The following PARD3 variants were observed in gnomAD, a reference collection of about 807,000 sequenced individuals.
PARD3 encodes the protein partitioning defective 3 homolog.
A neutral mutation model predicts 155.4 loss-of-function variants in PARD3; 75 were observed. That is an observed-to-expected ratio of 0.48 (90% confidence interval 0.40 to 0.58). The LOEUF (loss-of-function observed/expected upper bound fraction) is 0.58, where lower values mean the gene tolerates loss of function less well. Ranked by LOEUF, PARD3 falls within the 20% of genes least tolerant of loss-of-function variation. PARD3 has a pLI of 0.00. For synonymous variants in PARD3, 576 were observed against 610.5 expected, an observed-to-expected ratio of 0.94 and a Z score of 0.83; for missense variants, 1,642 against 1,721.7, an observed-to-expected ratio of 0.95 and a Z score of 0.82.
chr10:34,798,838 T>C (rs1414468066), intron 1 of PARD3, among the ~76,000 whole-genome samples: 2 of 151,404 alleles, frequency 1.3e-5, no homozygotes, highest in South Asian at 2.1e-4. Context: ...GCGAGCAGGG[T>C]TGCAAATCAC....
intron 20 of PARD3, among the ~76,000 whole-genome samples, chr10:34,288,431 A>G (rs1956507960): frequency 6.6e-6 from 1 of 152,188 alleles, no homozygotes; most frequent in African/African-American, 2.4e-5. Flanking sequence ...AATCAACTGT[A>G]AATAAAAAAT....
At chr10:34,139,427 T>C (rs1948067027) in intron 22 of PARD3, among the ~76,000 whole-genome samples, 1 of 152,216 alleles carries the variant, frequency 6.6e-6, no homozygotes, top group African/African-American at 2.4e-5. Flanking sequence ...TCCAAGAACA[T>C]TGTTTCATCT....
At chr10:34,756,100 AG>A (rs1277405258) in intron 1 of PARD3, among the ~76,000 whole-genome samples, 3 of 150,890 alleles carry the variant, frequency 2.0e-5, no homozygotes, top group African/African-American at 7.3e-5. Flanking sequence ...ACAGGTTGGC[AG>A]TACCCCTCAC....
At chr10:34,367,373 T>G (rs1840064309) in intron 12 of PARD3, among the ~76,000 whole-genome samples, 1 of 152,236 alleles carries the variant, frequency 6.6e-6, no homozygotes, top group Non-Finnish European at 1.5e-5. Flanking sequence ...ACAATCGATT[T>G]AATCATTTTC....
chr10:34,361,762 A>C (rs918823992), intron 12 of PARD3, among the ~76,000 whole-genome samples: 1 of 152,234 alleles, frequency 6.6e-6, no homozygotes, highest in African/African-American at 2.4e-5. Flanking sequence ...TCTTTGTGCT[A>C]TCTCAAAGGA....
chr10:34,284,410 G>A (rs1956293054), intron 20 of PARD3, among the ~76,000 whole-genome samples, 165 bp from the exon 21 acceptor site: 1 of 152,142 alleles, frequency 6.6e-6, no homozygotes, highest in Non-Finnish European at 1.5e-5. Flanking sequence ...TTTTGAATCA[G>A]ATTATTTTAT....
At chr10:34,337,992 T>C (rs371365039) in intron 16 of PARD3, among the ~76,000 whole-genome samples, 1 of 152,252 alleles carries the variant, frequency 6.6e-6, no homozygotes, top group Non-Finnish European at 1.5e-5. Context: ...AAACATTTAT[T>C]AGAACCTATT....
chr10:34,384,776 T>C (rs184353076), intron 7 of PARD3, among the ~76,000 whole-genome samples: 18 of 152,324 alleles, frequency 1.2e-4, no homozygotes, highest in African/African-American at 4.1e-4. Flanking sequence ...TGCTTTGCAT[T>C]TGAATTTGAT....
At chr10:34,755,819 T>C (rs1836639586) in intron 1 of PARD3, among the ~76,000 whole-genome samples, 1 of 152,066 alleles carries the variant, frequency 6.6e-6, no homozygotes, top group African/African-American at 2.4e-5. Flanking sequence ...ATTACAAAAC[T>C]AAAATGATAA....
chr10:34,261,769 GAAGA>G (rs1954997717), intron 22 of PARD3, among the ~76,000 whole-genome samples: 2 of 67,660 alleles, frequency 3.0e-5, no homozygotes, highest in South Asian at 1.1e-3. Context: ...AGGAAGGAAG[GAAGA>G]AAGAAAGAAA....
intron 1 of PARD3, among the ~76,000 whole-genome samples, chr10:34,751,095 G>A (rs890335562): frequency 1.2e-4 from 18 of 152,188 alleles, no homozygotes; most frequent in African/African-American, 3.1e-4. Flanking sequence ...GTTCACACCC[G>A]TCACTTCCAC....
intron 1 of PARD3, among the ~76,000 whole-genome samples, chr10:34,725,511 ATTCG>A (rs2094692432): frequency 6.6e-6 from 1 of 152,138 alleles, no homozygotes; most frequent in Admixed American, 6.5e-5. Context: ...ACTGCTAAGT[ATTCG>A]TTGCCATTCT....
chr10:34,283,280 G>C (rs1956238313), intron 21 of PARD3, among the ~76,000 whole-genome samples: 1 of 151,982 alleles, frequency 6.6e-6, no homozygotes. Context: ...CCTTCATCAA[G>C]GTACCAGAAA....
intron 2 of PARD3, among the ~76,000 whole-genome samples, chr10:34,571,387 A>T (rs892900431): frequency 2.1e-4 from 32 of 152,190 alleles, no homozygotes; most frequent in African/African-American, 7.5e-4. Flanking sequence ...TTTAGAATAA[A>T]CTTCTTCTTA....
intron 19 of PARD3, among the ~76,000 whole-genome samples, chr10:34,320,768 T>C (rs914774098): frequency 1.3e-5 from 2 of 152,246 alleles, no homozygotes; most frequent in Non-Finnish European, 2.9e-5. Context: ...CTCTGTTTCC[T>C]GCCCCAAGCC....
At chr10:34,127,663 C>T (rs998070133) in intron 23 of PARD3, among the ~76,000 whole-genome samples, 2 of 152,174 alleles carry the variant, frequency 1.3e-5, no homozygotes, top group East Asian at 1.9e-4. Context: ...AGTCAAATGG[C>T]GAACACTGCT....
rs535197262 is a variant in PARD3 at position 34,214,093 on chromosome 10, G to A, written c.3419+55564C>T. On this transcript the variant is annotated intron_variant, in intron 22 of 24. Coordinates refer to ENST00000374788, the MANE Select transcript of PARD3 (RefSeq NM_001184785.2). ...AAAATATATTTTTTGTAGAGACGGG[G>A]TTTTGCTATGTTGCCAAGACTGGTC... 3.3e-5 allele frequency among the ~76,000 whole-genome samples: 5 copies of A among 151,046 alleles called. No homozygotes were observed. The South Asian group carries it at 6.3e-4, about 19-fold the overall frequency.
intron 1 of PARD3, among the ~76,000 whole-genome samples, chr10:34,806,323 G>T (rs1376289269): frequency 2.6e-5 from 4 of 151,266 alleles, no homozygotes; most frequent in African/African-American, 9.7e-5. Context: ...AGCCTCCCAA[G>T]TAGCTGTGAT....
At chr10:34,332,226 T>C (rs1835694694) in intron 18 of PARD3, among the ~76,000 whole-genome samples, 1 of 152,134 alleles carries the variant, frequency 6.6e-6, no homozygotes, top group Non-Finnish European at 1.5e-5. Flanking sequence ...ATACCAATAG[T>C]ACCAAGTTGT....
Sources: allele counts gnomAD v4.1 joint callset (sites outside exome capture counted in the v4.1 genomes callset), GRCh38; gene constraint gnomAD v4.1.1; transcripts MANE v1.5; gene names NCBI Gene and HGNC (gene_info 2026-07-23, HGNC 2026-07-21).